The following PIK3AP1 variants were observed in gnomAD, a reference collection of about 807,000 sequenced individuals.
The protein encoded by PIK3AP1 is phosphoinositide 3-kinase adapter protein 1.
A neutral mutation model predicts 88.1 loss-of-function variants in PIK3AP1; 21 were observed. That is an observed-to-expected ratio of 0.24 (90% CI 0.17 to 0.34). The LOEUF (loss-of-function observed/expected upper bound fraction) is 0.34, where lower values mean the gene tolerates loss of function less well. Among genes scored for constraint, PIK3AP1 ranks in the 10% least tolerant of loss-of-function variants. The pLI, the probability that PIK3AP1 is intolerant of heterozygous loss-of-function variation, is 1.00. For missense variants in PIK3AP1, 828 were observed against 1,035.7 expected, an observed-to-expected ratio of 0.80 and a Z score of 2.75; for synonymous variants, 398 against 400.0, an observed-to-expected ratio of 1.00 and a Z score of 0.06.
rs903471733 is a variant in PIK3AP1 at position 96,651,361 on chromosome 10, T to A, written c.875A>T (p.Tyr292Phe). Reference protein sequence around the residue: ...FMCQAFKIVPYNTETLDKLLT... With the variant: ...FMCQAFKIVPFNTETLDKLLT... ...CAGTTTATCAAGGGTCTCTGTGTTG[T>A]AGGGCACAATTTTAAAGGCCTGAAA... The change falls in exon 6 of 17, where the codon TAC becomes TTC. Residue 292 changes from tyrosine (Y) to phenylalanine (F), a missense_variant. Tyr to Phe is a conservative substitution (Grantham distance 22, BLOSUM62 3). Coordinates refer to ENST00000339364, the MANE Select transcript of PIK3AP1 (RefSeq NM_152309.3). 2.5e-6 allele frequency: 4 copies of A among 1,614,096 alleles called. No individual in the cohort carries two copies. In the Admixed American group the frequency reaches 6.7e-5, roughly 27 times the overall value.
At chr10:96,712,315 T>C (rs188563403) in intron 1 of PIK3AP1, among the ~76,000 whole-genome samples, 1 of 152,278 alleles carries the variant, frequency 6.6e-6, no homozygotes, top group African/African-American at 2.4e-5. Flanking sequence ...ACATTTGTGG[T>C]TCTACAGAGA....
chr10:96,594,109 T>C lies in PIK3AP1; in HGVS notation c.*1468A>G, dbSNP rs1336031681. ...TAAGGACCTCTGATTTGAAGGTAGA[T>C]TTATGTGCCAGGGACTCCAAATTCA... On this transcript the variant is annotated 3_prime_UTR_variant, in exon 17 of 17. Transcript: ENST00000339364. The surrounding 1 kb of genome is among the most constrained non-coding windows in gnomAD (Gnocchi z 4.6). 2.6e-5 allele frequency: 4 copies of C among 152,214 alleles called. No homozygotes were observed. Among genetic ancestry groups the C allele is most frequent in the African/African-American group, 9.6e-5 (4 of 41,458 alleles). 9.4% of individuals were successfully genotyped at this position (152,214 alleles called of 1,614,324 possible).
intron 8 of PIK3AP1, among the ~76,000 whole-genome samples, chr10:96,632,581 T>C (rs1843259500): frequency 6.6e-6 from 1 of 152,102 alleles, no homozygotes; most frequent in Non-Finnish European, 1.5e-5. Context: ...ATCGAGATGG[T>C]GCTAAATGAA....
intron 2 of PIK3AP1, among the ~76,000 whole-genome samples, chr10:96,666,000 G>A (rs920025989): frequency 1.3e-5 from 2 of 152,096 alleles, no homozygotes; most frequent in Admixed American, 6.5e-5. Context: ...GAACGTGGTC[G>A]ATTTGCATTT....
chr10:96,609,792 C>A lies in PIK3AP1; in HGVS notation c.2090G>T (p.Gly697Val), dbSNP rs1312772191. The A allele has an allele frequency of 1.2e-6, 2 of 1,613,976 alleles. No individual in the cohort carries two copies. Among genetic ancestry groups the A allele is most frequent in the Non-Finnish European group, 1.7e-6 (2 of 1,179,978 alleles). ...AKVEFGVYES[G>V]PRKSVIPPRT... ...AGGGGGAATGACACTTTTCCTGGGG[C>A]CACTCTCATAGACTCCAAACTCCAC... The change falls in exon 14 of 17, where the codon GGC (glycine) becomes GTC (valine). Residue 697 changes from glycine (G) to valine (V), a missense_variant. Physicochemically the swap from Gly to Val is moderately radical, Grantham distance 109 (BLOSUM62 -3). This residue lies in a region of PIK3AP1 where 191 missense variants were observed against 208.6 expected (regional missense o/e 0.92). Coordinates refer to ENST00000339364, the MANE Select transcript of PIK3AP1 (RefSeq NM_152309.3).
At chr10:96,691,766 T>G (rs1844158172) in intron 2 of PIK3AP1, among the ~76,000 whole-genome samples, 1 of 152,224 alleles carries the variant, frequency 6.6e-6, no homozygotes, top group Non-Finnish European at 1.5e-5. Context: ...CTAACTCTTA[T>G]CATTTTCTGA....
chr10:96,597,331 T>TTCC (rs1848784699), intron 16 of PIK3AP1, among the ~76,000 whole-genome samples: 3 of 82,062 alleles, frequency 3.7e-5, no homozygotes, highest in African/African-American at 5.2e-5. Context: ...TCCTTCCTTC[T>TTCC]TTCCTTCCCT....
In PIK3AP1 at chr10:96,602,383, C is replaced by T; in HGVS notation, c.2257G>A (p.Glu753Lys). The change falls in exon 16 of 17, where the codon GAG becomes AAG. Residue 753 changes from glutamate to lysine, a missense_variant. By Grantham distance (56) the Glu-to-Lys change is moderately conservative. Around this residue, in one of 3 missense-constraint regions of PIK3AP1, gnomAD observed 191 missense variants for 208.6 expected, o/e 0.92. Transcript: ENST00000339364. ...CCTGGACTGCGACTTCTGGTAACCT[C>T]AGGGACTTCATTATCCTACAGCAAA... ...EGDNEDNEVP[E>K]VTRSRSPGPP... The T allele has an allele frequency of 6.2e-7, 1 of 1,612,260 alleles. No individual in the cohort carries two copies. The highest frequency in any genetic ancestry group is 8.5e-7 in the Non-Finnish European group (1 of 1,178,514).
intron 16 of PIK3AP1, 129 bp downstream of exon 16, chr10:96,602,151 G>A: frequency 1.3e-6 from 1 of 746,052 alleles, no homozygotes; most frequent in South Asian, 1.6e-5. Context: ...CCAAAGTGCT[G>A]GGATTACAGG....
intron 2 of PIK3AP1, among the ~76,000 whole-genome samples, chr10:96,686,122 T>A (rs1338157714): frequency 2.0e-5 from 3 of 152,202 alleles, no homozygotes; most frequent in Non-Finnish European, 4.4e-5. Context: ...ATTTTTTTCC[T>A]TCACAATTCA....
At chr10:96,718,493 C>T (rs946480016) in intron 1 of PIK3AP1, among the ~76,000 whole-genome samples, 2 of 152,192 alleles carry the variant, frequency 1.3e-5, no homozygotes, top group African/African-American at 4.8e-5. Context: ...TCAATTACAG[C>T]ACCTGGAGTG....
intron 2 of PIK3AP1, among the ~76,000 whole-genome samples, chr10:96,682,663 T>A (rs916844223): frequency 6.6e-6 from 1 of 152,200 alleles, no homozygotes; most frequent in Non-Finnish European, 1.5e-5. Flanking sequence ...GCCCCATTAA[T>A]AGATGCTTTT....
chr10:96,608,210 C>T (rs1849035730), intron 14 of PIK3AP1, among the ~76,000 whole-genome samples: 1 of 152,338 alleles, frequency 6.6e-6, no homozygotes, highest in South Asian at 2.1e-4. Flanking sequence ...ACTCTCCTTC[C>T]CCACCCTGGG....
chr10:96,705,963 G>A (rs1250064396), intron 2 of PIK3AP1, among the ~76,000 whole-genome samples: 1 of 132,040 alleles, frequency 7.6e-6, no homozygotes, highest in Non-Finnish European at 1.5e-5. Context: ...GTGCCATCTC[G>A]GCTCACTGCA....
At chr10:96,711,739 A>ATTTTTTTTTTTTTTTTTTTTTTT (rs763923650) in intron 1 of PIK3AP1, among the ~76,000 whole-genome samples, 3 of 66,446 alleles carry the variant, frequency 4.5e-5, no homozygotes, top group African/African-American at 2.1e-4. Flanking sequence ...AGATTACCAA[A>ATTTTTTTTTTTTTTTTTTTTTTT]TTTTTTTTTT....
At chr10:96,708,630 A>G (rs935905864) in intron 2 of PIK3AP1, among the ~76,000 whole-genome samples, 1 of 151,434 alleles carries the variant, frequency 6.6e-6, no homozygotes, top group Non-Finnish European at 1.5e-5. Context: ...GAGGAAGAAA[A>G]GCTGTGATAT....
rs112575321 is a variant in PIK3AP1, at chr10:96,628,270, T to G, written c.1471+128A>C. ...GTCGGGGGAGGCAGAGTGCCTTTAT[T>G]CACATCACATGCCATGTATGCAGCA... On this transcript the variant is annotated intron_variant, in intron 9 of 16. Transcript: ENST00000339364. The G allele has an allele frequency of 1.7e-3, 1,449 of 832,334 alleles. 13 individuals carry two copies. The African/African-American group carries it at 0.021, about 12-fold the overall frequency. The allele number at this position is 832,334 out of a possible 1,614,324, so 51.6% of individuals were successfully genotyped here. A position where few individuals can be genotyped will look rare whatever the true frequency, so the allele number is the denominator to read the frequency against.
chr10:96,718,357 G>A (rs575637416), intron 1 of PIK3AP1, among the ~76,000 whole-genome samples: 1 of 152,310 alleles, frequency 6.6e-6, no homozygotes, highest in East Asian at 1.9e-4. Context: ...ACAGAAGGGT[G>A]GCTGGATGAC....
chr10:96,704,447 G>A (rs1844337109), intron 2 of PIK3AP1, among the ~76,000 whole-genome samples: 1 of 152,224 alleles, frequency 6.6e-6, no homozygotes, highest in South Asian at 2.1e-4. Flanking sequence ...GCTGGGTGCG[G>A]TGGCTCACGC....
Sources: gnomAD v4.1 joint callset for allele counts (sites outside exome capture counted in the v4.1 genomes callset) on GRCh38, gnomAD v4.1.1 for gene constraint, gnomAD v4.1.1 regional missense constraint, Gnocchi (gnomAD v3.1) non-coding constraint, MANE v1.5 for transcripts, NCBI Gene and HGNC (gene_info 2026-07-23, HGNC 2026-07-21) for gene names.